NUDCD3: variants seen among roughly 807,000 people sequenced by gnomAD.
NUDCD3 encodes nudC domain-containing protein 3.
In NUDCD3, 13 loss-of-function variants were observed where a neutral mutation model predicts 39.7. The observed-to-expected ratio is 0.33, with a 90% CI of 0.21 to 0.52. NUDCD3 has a LOEUF of 0.52. NUDCD3 is among the 20% of genes least tolerant of loss of function. The pLI is 0.96. For synonymous variants in NUDCD3, 175 were observed against 172.4 expected (o/e 1.02, Z -0.12); for missense variants, 453 against 458.1 (o/e 0.99, Z 0.10).
intron 2 of NUDCD3, among the ~76,000 whole-genome samples, chr7:44,436,556 GC>G (rs1563176601): frequency 1.9e-4 from 29 of 152,312 alleles, no homozygotes; most frequent in Admixed American, 1.6e-3. Flanking sequence ...AGTGGGTCAT[GC>G]TACAGAACTA....
chr7:44,455,018 TA>T (rs1194822062), intron 2 of NUDCD3, among the ~76,000 whole-genome samples: 1 of 152,144 alleles, frequency 6.6e-6, no homozygotes, highest in Non-Finnish European at 1.5e-5. Context: ...CTTTCTTCTT[TA>T]TCTTGTCCTT....
chr7:44,468,150 T>TG (rs1800164519), intron 2 of NUDCD3: 1 of 1,605,320 alleles, frequency 6.2e-7, no homozygotes, highest in Non-Finnish European at 8.5e-7. Flanking sequence ...ATCAAGGAGC[T>TG]GGAAGTGCTG....
At chr7:44,490,374 G>A (rs1251854383) in intron 1 of NUDCD3, 35 bp downstream of exon 1, 1 of 1,489,004 alleles carries the variant, frequency 6.7e-7, no homozygotes, top group Non-Finnish European at 8.9e-7. Flanking sequence ...GGCCGGGGGC[G>A]GCGGCTCCCC....
At chr7:44,446,371 G>T (rs1799691032) in intron 2 of NUDCD3, among the ~76,000 whole-genome samples, 1 of 152,218 alleles carries the variant, frequency 6.6e-6, no homozygotes, top group African/African-American at 2.4e-5. Context: ...ATTCAAGTCA[G>T]CTAGCTGAAA....
chr7:44,449,681 G>A (rs1585086740), intron 2 of NUDCD3, among the ~76,000 whole-genome samples: 1 of 152,084 alleles, frequency 6.6e-6, no homozygotes, highest in Middle Eastern at 3.4e-3. Context: ...ACACAAAAAA[G>A]GAACTTCAAG....
At chr7:44,454,297 C>T (rs189220416) in intron 2 of NUDCD3, among the ~76,000 whole-genome samples, 1 of 152,116 alleles carries the variant, frequency 6.6e-6, no homozygotes, top group South Asian at 2.1e-4. Flanking sequence ...TGAGATCGAG[C>T]CACTGCACTC....
intron 3 of NUDCD3, among the ~76,000 whole-genome samples, chr7:44,421,932 A>G (rs568760987): frequency 2.5e-4 from 38 of 152,326 alleles, no homozygotes; most frequent in South Asian, 1.7e-3. Flanking sequence ...AATCATAACA[A>G]ACAGTCTCTC....
At chr7:44,440,270 T>C (rs576173366) in intron 2 of NUDCD3, among the ~76,000 whole-genome samples, 3 of 152,284 alleles carry the variant, frequency 2.0e-5, no homozygotes, top group East Asian at 3.9e-4. Flanking sequence ...TCCAAATCCA[T>C]AGCCCTGAGT....
chr7:44,406,313 T>C (rs1021045557), intron 3 of NUDCD3, among the ~76,000 whole-genome samples: 15 of 152,144 alleles, frequency 9.9e-5, no homozygotes, highest in African/African-American at 3.4e-4. Context: ...CGGAAAAGGG[T>C]ATTTACTTGG....
At chr7:44,426,086 G>A (rs1437831273) in intron 3 of NUDCD3, 3 of 980,070 alleles carry the variant, frequency 3.1e-6, no homozygotes, top group African/African-American at 1.7e-5. Context: ...CCACTTCATC[G>A]CTGTGACCTG....
Sources: gnomAD v4.1 joint callset for allele counts (sites outside exome capture counted in the v4.1 genomes callset) on GRCh38, gnomAD v4.1.1 for gene constraint, MANE v1.5 for transcripts, NCBI Gene and HGNC (gene_info 2026-07-23, HGNC 2026-07-21) for gene names.